Variants in CSMD1 observed in about 807,000 individuals in gnomAD.
CSMD1 encodes the protein CUB and Sushi multiple domains 1, also known as CUB and sushi domain-containing protein 1.
CSMD1 carries 213 observed loss-of-function variants against 417.5 expected under a neutral mutation model. That is an observed-to-expected ratio of 0.51 (90% CI 0.46 to 0.57). The LOEUF (loss-of-function observed/expected upper bound fraction) is 0.57, where lower values mean the gene tolerates loss of function less well. Ranked by LOEUF, CSMD1 falls within the 20% of genes least tolerant of loss-of-function variation. The probability of loss-of-function intolerance (pLI) is 0.00; values close to 1 mark genes in which losing one functional copy is unlikely to be tolerated. For synonymous variants in CSMD1, 2,862 were observed against 1,736.8 expected (o/e 1.65, Z -16.11); for missense variants, 6,923 against 4,529.7 (o/e 1.53, Z -15.17).
chr8:3,946,877 C>T lies in CSMD1; in HGVS notation c.818+51026G>A, dbSNP rs185761013. On this transcript the variant is annotated intron_variant, in intron 5 of 69. Transcript: ENST00000635120. ...TTTTGAAATTGCTCATTGCTTGTAT[C>T]GATTTATATTGTGATCTCAAACCAT... 3.0e-3 allele frequency among the ~76,000 whole-genome samples: 453 copies of T among 152,128 alleles called. 2 individuals carry two copies. The highest frequency in any genetic ancestry group is 6.8e-3 in the Middle Eastern group (2 of 294).
At chr8:4,266,074 G>A (rs1360086775) in intron 3 of CSMD1, among the ~76,000 whole-genome samples, 5 of 103,156 alleles carry the variant, frequency 4.8e-5, no homozygotes, top group African/African-American at 1.1e-4. Context: ...CCTGCCCACC[G>A]CACATAGACT....
chr8:3,482,567 T>C (rs990852218), intron 11 of CSMD1, among the ~76,000 whole-genome samples: 3 of 152,188 alleles, frequency 2.0e-5, no homozygotes, highest in African/African-American at 2.4e-5. Context: ...TCCACAAGTA[T>C]AGTTGAAAAC....
chr8:4,373,480 A>G (rs1408642536), intron 3 of CSMD1, among the ~76,000 whole-genome samples: 1 of 152,154 alleles, frequency 6.6e-6, no homozygotes, highest in Non-Finnish European at 1.5e-5. Context: ...TAAATCTAAA[A>G]CTGTCCTAAA....
intron 3 of CSMD1, among the ~76,000 whole-genome samples, chr8:4,366,561 C>CT (rs1005786360): frequency 7.2e-5 from 11 of 152,040 alleles, no homozygotes; most frequent in African/African-American, 2.2e-4. Context: ...AAAAACGTTA[C>CT]TTTTTTTTCT....
chr8:3,176,097 T>C (rs1820919245), intron 37 of CSMD1, among the ~76,000 whole-genome samples: 1 of 152,138 alleles, frequency 6.6e-6, no homozygotes, highest in Non-Finnish European at 1.5e-5. Context: ...AGAAATAACT[T>C]GGAAAGACAG....
At chr8:4,822,335 G>C (rs1423152066) in intron 1 of CSMD1, among the ~76,000 whole-genome samples, 3 of 152,050 alleles carry the variant, frequency 2.0e-5, no homozygotes, top group East Asian at 1.9e-4. Context: ...CTGAAATCTA[G>C]GTTTATGTTT....
rs1239576052 is a variant in CSMD1 at position 4,482,981 on chromosome 8, T to A, written c.303-62916A>T. On this transcript the variant is annotated intron_variant, in intron 2 of 69. Coordinates refer to ENST00000635120, the MANE Select transcript of CSMD1 (RefSeq NM_033225.6). Reference sequence around the variant, plus strand: ...CAAAAATGAAAATAGAGTAATGGAGTTAGGTAGTAAAATAGTTTAGCAATT... The same window carrying A: ...CAAAAATGAAAATAGAGTAATGGAGATAGGTAGTAAAATAGTTTAGCAATT... Among the ~76,000 whole-genome samples the A allele has an allele frequency of 2.6e-5, 4 of 151,688 alleles. No individual in the cohort carries two copies. The East Asian group carries it at 5.8e-4, about 22-fold the overall frequency.
At chr8:3,397,052 G>A (rs1311386137) in intron 16 of CSMD1, among the ~76,000 whole-genome samples, 2 of 152,104 alleles carry the variant, frequency 1.3e-5, no homozygotes, top group Non-Finnish European at 2.9e-5. Context: ...AATCTAGCCT[G>A]AGATTTTATA....
chr8:3,073,116 AG>A (rs1470385931), intron 49 of CSMD1, among the ~76,000 whole-genome samples: 1 of 152,252 alleles, frequency 6.6e-6, no homozygotes, highest in East Asian at 1.9e-4. Flanking sequence ...TAAATACAAA[AG>A]TCCTATTGTC....
intron 3 of CSMD1, among the ~76,000 whole-genome samples, chr8:4,359,579 A>T (rs927651255): frequency 6.6e-5 from 10 of 152,210 alleles, no homozygotes; most frequent in African/African-American, 2.4e-4. Flanking sequence ...CTTGGAGATT[A>T]CATGGTGTTC....
chr8:4,038,354 A>C lies in CSMD1; in HGVS notation c.416-6255T>G, dbSNP rs1312876528. Among the ~76,000 whole-genome samples, 3 of 152,324 alleles carry C rather than the reference A, an allele frequency of 2.0e-5. No individual in the cohort carries two copies. In the South Asian group the frequency reaches 6.2e-4, roughly 32 times the overall value. On this transcript the variant is annotated intron_variant, in intron 3 of 69. Transcript: ENST00000635120. ...AAATCCATTAGCAATTTTACTAAAA[A>C]ATCAAAAAAACTTGTAAATTGTAAA...
At chr8:4,619,280 G>A (rs1160980197) in intron 2 of CSMD1, among the ~76,000 whole-genome samples, 3 of 152,078 alleles carry the variant, frequency 2.0e-5, no homozygotes, top group Non-Finnish European at 4.4e-5. Context: ...TTAAATAAAT[G>A]CATGTAACAA....
In CSMD1 at chr8:4,604,408, T is replaced by TGCGC. The variant is rs766177830; in HGVS notation, c.302+32933_302+32934insGCGC. Among the ~76,000 whole-genome samples, 151 of 59,472 alleles carry TGCGC rather than the reference T, an allele frequency of 2.5e-3. 1 individual carries two copies. Among genetic ancestry groups the TGCGC allele is most frequent in the South Asian group, 7.2e-3 (11 of 1,528 alleles). 39.0% of individuals were successfully genotyped at this position (59,472 alleles called of 152,430 possible). ...GTGTGTGTGTGTGTGTGTGTGTGTG[T>TGCGC]GTGCGCGTGCGTAAAGACTAGGATC... On this transcript the variant is annotated intron_variant, in intron 2 of 69. Transcript: ENST00000635120.
chr8:4,960,150 A>T (rs181393331), intron 1 of CSMD1, among the ~76,000 whole-genome samples: 1 of 152,208 alleles, frequency 6.6e-6, no homozygotes, highest in Non-Finnish European at 1.5e-5. Flanking sequence ...GAAATGTACT[A>T]GACCCACAAA....
intron 3 of CSMD1, among the ~76,000 whole-genome samples, chr8:4,263,646 A>G (rs1198857046): frequency 5.5e-4 from 84 of 152,188 alleles, no homozygotes; most frequent in Non-Finnish European, 8.8e-5. Flanking sequence ...CATCTTAGCA[A>G]TAACTCTATG....
In CSMD1 at chr8:2,974,446, C is replaced by T. The variant is rs11784931; in HGVS notation, c.8740+5G>A. 0.012 allele frequency: 19,005 copies of T among 1,577,004 alleles called. 153 individuals are homozygous for T. Among genetic ancestry groups the T allele is most frequent in the Middle Eastern group, 0.029 (167 of 5,816 alleles). ...ATTCTGTCAGTTCACTCGTAAGCCC[C>T]TCACCTGTGCAGTGGGGCAGTGCCC... is the stretch of plus-strand genomic sequence containing the variant. On this transcript the variant is annotated splice_donor_5th_base_variant and intron_variant, in intron 56 of 69. Transcript: ENST00000635120.
intron 54 of CSMD1, among the ~76,000 whole-genome samples, chr8:2,984,203 T>A (rs776610199): frequency 1.3e-5 from 2 of 152,120 alleles, no homozygotes; most frequent in Non-Finnish European, 2.9e-5. Context: ...ACAGGAAACG[T>A]CTGATCCACG....
chr8:4,475,267 T>A (rs922535779), intron 2 of CSMD1, among the ~76,000 whole-genome samples: 4 of 152,184 alleles, frequency 2.6e-5, no homozygotes, highest in Admixed American at 2.6e-4. Context: ...CTCACTCCAT[T>A]TCTATATCCA....
chr8:4,084,989 C>T (rs62501304), intron 3 of CSMD1, among the ~76,000 whole-genome samples: 208 of 151,834 alleles, frequency 1.4e-3, no homozygotes, highest in Non-Finnish European at 1.9e-3. Flanking sequence ...CCACAGCAGG[C>T]GCGTGACAGG....
Sources: allele counts gnomAD v4.1 joint callset (sites outside exome capture counted in the v4.1 genomes callset), GRCh38; gene constraint gnomAD v4.1.1; transcripts MANE v1.5; gene names NCBI Gene and HGNC (gene_info 2026-07-23, HGNC 2026-07-21).